The following RTL4 variants were observed in gnomAD, a reference collection of about 807,000 sequenced individuals.
RTL4 encodes the protein retrotransposon Gag-like protein 4.
A neutral mutation model predicts 5.3 loss-of-function variants in RTL4; 4 were observed. The ratio of observed to expected loss-of-function variants is 0.75; its 90% CI spans 0.37 to 1.72. The LOEUF is 1.72. RTL4 is among the 40% of genes most tolerant of loss of function. The probability of loss-of-function intolerance (pLI) is 0.04; values close to 1 mark genes in which losing one functional copy is unlikely to be tolerated. For synonymous variants in RTL4, 98 were observed against 87.3 expected, an observed-to-expected ratio of 1.12 and a Z score of -0.68; for missense variants, 260 against 227.1, an observed-to-expected ratio of 1.14 and a Z score of -0.93.
the RTL4 span, among the ~76,000 whole-genome samples, chrX:112,188,021 GTTACCAT>G: frequency 8.9e-6 from 1 of 111,761 alleles, no homozygotes; most frequent in East Asian, 2.8e-4. Context: ...AATGTTAGCA[GTTACCAT>G]TTATTGAGCA....
chrX:112,107,742 T>G, the RTL4 span, among the ~76,000 whole-genome samples: 2 of 111,983 alleles, frequency 1.8e-5, no homozygotes, highest in African/African-American at 6.5e-5. Context: ...GTGTGTTCTC[T>G]TTGTCTTTGA....
the RTL4 span, among the ~76,000 whole-genome samples, chrX:112,423,958 T>C: frequency 9.0e-6 from 1 of 111,146 alleles, no homozygotes; most frequent in Admixed American, 9.6e-5. Flanking sequence ...TACTTTCCCA[T>C]GTTTTCTCTC....
At chrX:112,309,458 T>C in the RTL4 span, among the ~76,000 whole-genome samples, 5 of 110,857 alleles carry the variant, frequency 4.5e-5, no homozygotes, top group Non-Finnish European at 9.4e-5. Context: ...ATTCAGTCCA[T>C]AGCAGTATCT....
At chrX:112,148,812 C>T in the RTL4 span, among the ~76,000 whole-genome samples, 1 of 111,790 alleles carries the variant, frequency 8.9e-6, no homozygotes, top group African/African-American at 3.3e-5. Flanking sequence ...GTATAAAGGG[C>T]CTGGCACATA....
At chrX:112,153,603 CAG>C in the RTL4 span, among the ~76,000 whole-genome samples, 1 of 111,956 alleles carries the variant, frequency 8.9e-6, no homozygotes, top group African/African-American at 3.2e-5. Flanking sequence ...AATATAATAA[CAG>C]AAAAATAAGT....
At chrX:112,339,164 T>C in the RTL4 span, among the ~76,000 whole-genome samples, 1 of 111,759 alleles carries the variant, frequency 8.9e-6, no homozygotes, top group South Asian at 3.7e-4. Context: ...ATACTAATCT[T>C]AAAAAAGAGA....
chrX:112,451,686 G>A (rs779880323), upstream of RTL4, among the ~76,000 whole-genome samples: 2 of 111,514 alleles, frequency 1.8e-5, no homozygotes, highest in African/African-American at 3.3e-5. Flanking sequence ...AAACCAAGTC[G>A]CTTTGAGTTT....
chrX:112,085,448 C>T, the RTL4 span, among the ~76,000 whole-genome samples: 1 of 112,235 alleles, frequency 8.9e-6, no homozygotes, highest in Non-Finnish European at 1.9e-5. Flanking sequence ...AATGTAACAT[C>T]GTAGGTGAAG....
At chrX:112,280,221 C>T in the RTL4 span, among the ~76,000 whole-genome samples, 1 of 111,119 alleles carries the variant, frequency 9.0e-6, no homozygotes, top group Non-Finnish European at 1.9e-5. Context: ...GAACAGAAAA[C>T]CAAACATCAC....
the RTL4 span, among the ~76,000 whole-genome samples, chrX:112,208,208 G>T: frequency 8.9e-6 from 1 of 111,927 alleles, no homozygotes; most frequent in Admixed American, 9.5e-5. Flanking sequence ...TTTGTGTAGA[G>T]AAGATGTTCA....
the RTL4 span, among the ~76,000 whole-genome samples, chrX:112,209,705 C>T: frequency 2.7e-5 from 3 of 111,338 alleles, no homozygotes; most frequent in East Asian, 2.8e-4. Flanking sequence ...TTCCATTTGA[C>T]GATGGAATGC....
exon 1 of RTL4, chrX:112,454,849 G>C: frequency 8.3e-7 from 1 of 1,210,486 alleles, no homozygotes; most frequent in Non-Finnish European, 1.1e-6. Context: ...TGCTAAAAGG[G>C]GCCAAGTCAT....
At chrX:112,187,192 T>C in the RTL4 span, among the ~76,000 whole-genome samples, 17 of 112,406 alleles carry the variant, frequency 1.5e-4, no homozygotes, top group African/African-American at 5.5e-4. Context: ...CCTTTGTTGG[T>C]TTCTTTTAAC....
chrX:112,452,891 G>C (rs773040290), upstream of RTL4, among the ~76,000 whole-genome samples: 79 of 110,945 alleles, frequency 7.1e-4, 2 homozygotes, highest in Admixed American at 6.0e-3. Context: ...AATTAGCCGG[G>C]CATGGTGGCA....
At chrX:112,098,294 A>G in the RTL4 span, among the ~76,000 whole-genome samples, 892 of 110,547 alleles carry the variant, frequency 8.1e-3, 5 homozygotes, top group African/African-American at 0.028. Context: ...TGAACTCATC[A>G]TTTTTTATGG....
At chrX:112,122,644 C>A in the RTL4 span, among the ~76,000 whole-genome samples, 3 of 110,235 alleles carry the variant, frequency 2.7e-5, no homozygotes, top group South Asian at 7.7e-4. Context: ...TGAATAAATA[C>A]CCTAAAAATA....
chrX:112,212,491 A>G, the RTL4 span, among the ~76,000 whole-genome samples: 2 of 112,905 alleles, frequency 1.8e-5, no homozygotes, highest in Non-Finnish European at 3.8e-5. Flanking sequence ...AGTGGCCCCA[A>G]ACCTTCTCTT....
chrX:112,114,303 C>T, the RTL4 span, among the ~76,000 whole-genome samples: 43 of 111,679 alleles, frequency 3.9e-4, no homozygotes, highest in African/African-American at 1.0e-3. Context: ...ATACTGGGGA[C>T]GGCTTGCTGA....
chrX:112,309,825 T>TATATACATATATGTATACAC, the RTL4 span, among the ~76,000 whole-genome samples: 1 of 106,146 alleles, frequency 9.4e-6, no homozygotes, highest in African/African-American at 3.5e-5. Flanking sequence ...CATATATACA[T>TATATACATATATGTATACAC]ATATATACAT....
Sources: gnomAD v4.1 joint callset for allele counts (sites outside exome capture counted in the v4.1 genomes callset) on GRCh38, gnomAD v4.1.1 for gene constraint, MANE v1.5 for transcripts, NCBI Gene and HGNC (gene_info 2026-07-23, HGNC 2026-07-21) for gene names.